The following RIDA variants were observed in gnomAD, a reference collection of about 807,000 sequenced individuals.
The protein encoded by RIDA is 2-iminobutanoate/2-iminopropanoate deaminase.
RIDA carries 17 observed loss-of-function variants against 17.8 expected under a neutral mutation model. That is an observed-to-expected ratio of 0.96 (90% CI 0.65 to 1.43). RIDA has a LOEUF of 1.43. Among genes scored for constraint, RIDA ranks in the 40% most tolerant of loss-of-function variants. RIDA has a pLI of 0.00. For missense variants in RIDA, 158 were observed against 161.7 expected, an observed-to-expected ratio of 0.98 and a Z score of 0.12; for synonymous variants, 48 against 55.7, an observed-to-expected ratio of 0.86 and a Z score of 0.62.
intron 2 of RIDA, among the ~76,000 whole-genome samples, chr8:98,107,930 T>C (rs1815656165): frequency 6.6e-6 from 1 of 152,130 alleles, no homozygotes; most frequent in Non-Finnish European, 1.5e-5. Context: ...CCACCACACC[T>C]GGCTAATTTT....
At chr8:98,113,717 AAGGGGTAT>A (rs1197824494) in intron 1 of RIDA, 1 of 152,174 alleles carries the variant, frequency 6.6e-6, no homozygotes, top group East Asian at 1.9e-4. Flanking sequence ...TAGGTCAAGG[AAGGGGTAT>A]GCTCTTTAGC....
In RIDA at chr8:98,110,441, G is replaced by C. The variant is rs576507928; in HGVS notation, c.66-1690C>G. Reference sequence around the variant, plus strand: ...CGCCCAGCTAATTTTTGCATTTTTAGTAGAGATGGGGTTTTGCCATGTTGG... The same window carrying C: ...CGCCCAGCTAATTTTTGCATTTTTACTAGAGATGGGGTTTTGCCATGTTGG... On this transcript the variant is annotated intron_variant, in intron 1 of 5. Transcript: ENST00000254878. Among the ~76,000 whole-genome samples the C allele has an allele frequency of 1.6e-4, 24 of 152,178 alleles. 1 individual carries two copies. Among genetic ancestry groups the C allele is most frequent in the Non-Finnish European group, 3.2e-4 (22 of 68,008 alleles).
In RIDA at chr8:98,108,722, T is replaced by C. The variant is rs112252402; in HGVS notation, c.95A>G (p.Tyr32Cys). 3 of 1,613,224 alleles carry C rather than the reference T, an allele frequency of 1.9e-6. No individual in the cohort carries two copies. The change falls in exon 2 of 6, where the codon TAC becomes TGC. Residue 32 changes from tyrosine (Y) to cysteine (C), a missense_variant. By Grantham distance (194) the Tyr-to-Cys change is radical. Transcript: ENST00000254878. ...GTCCATGCCTATCTGTCCTGAAATG[T>C]AAATGGTCCTGTCGACTAATACAGC... ...SQAVLVDRTI[Y>C]ISGQIGMDPS...
intron 1 of RIDA, among the ~76,000 whole-genome samples, chr8:98,112,937 A>G (rs1284691423): frequency 6.6e-6 from 1 of 152,234 alleles, no homozygotes; most frequent in Non-Finnish European, 1.5e-5. Context: ...TATCTCTTAC[A>G]GATCTAAAGA....
At chr8:98,110,076 A>C (rs1815702499) in intron 1 of RIDA, among the ~76,000 whole-genome samples, 1 of 152,244 alleles carries the variant, frequency 6.6e-6, no homozygotes, top group Admixed American at 6.5e-5. Flanking sequence ...ATTTCACTTA[A>C]ATGAAACCTT....
At chr8:98,108,830 C>G in intron 1 of RIDA, 79 bp from the exon 2 acceptor site, 2 of 791,554 alleles carry the variant, frequency 2.5e-6, no homozygotes, top group Middle Eastern at 4.7e-4. Context: ...TTTGATAGGA[C>G]AGAGAAGTAT....
At chr8:98,116,562 G>A (rs1239364978) in intron 1 of RIDA, among the ~76,000 whole-genome samples, 2 of 152,166 alleles carry the variant, frequency 1.3e-5, no homozygotes, top group African/African-American at 4.8e-5. Context: ...AATGGGGAGT[G>A]AATGCTAATG....
In RIDA at chr8:98,105,935, T is replaced by C; in HGVS notation, c.295+3A>G. 6.3e-7 allele frequency: 1 copy of C among 1,587,512 alleles called. No homozygotes were observed. The highest frequency in any genetic ancestry group is 8.6e-7 in the Non-Finnish European group (1 of 1,156,544). On this transcript the variant is annotated splice_donor_region_variant and intron_variant, in intron 4 of 5. Coordinates refer to ENST00000254878, the MANE Select transcript of RIDA (RefSeq NM_005836.3). Reference sequence around the variant, plus strand: ...AAAATAGGAATAAAGCCAAATTACTTACACTGTTTGTAGATTTCATTGACA... The same window carrying C: ...AAAATAGGAATAAAGCCAAATTACTCACACTGTTTGTAGATTTCATTGACA...
chr8:98,108,811 G>GA (rs1313110819), intron 1 of RIDA, 60 bp from the exon 2 acceptor site: 1 of 1,040,732 alleles, frequency 9.6e-7, no homozygotes, highest in Non-Finnish European at 1.5e-6. Flanking sequence ...TTCAATGCTA[G>GA]AAGACTTTTT....
intron 2 of RIDA, among the ~76,000 whole-genome samples, chr8:98,106,989 C>G (rs1158535145): frequency 1.3e-5 from 2 of 152,214 alleles, no homozygotes; most frequent in African/African-American, 2.4e-5. Flanking sequence ...AAGTTTCCCT[C>G]CTCAGAGGTA....
intron 1 of RIDA, among the ~76,000 whole-genome samples, chr8:98,116,179 A>G (rs1815819399): frequency 6.6e-6 from 1 of 152,198 alleles, no homozygotes; most frequent in Non-Finnish European, 1.5e-5. Context: ...CCAAAGGACT[A>G]CCTCTCACAA....
chr8:98,113,370 C>T lies in RIDA; in HGVS notation c.65+3662G>A, dbSNP rs376005708. Among the ~76,000 whole-genome samples the T allele has an allele frequency of 6.0e-4, 92 of 152,314 alleles. 1 individual carries two copies. The South Asian group carries it at 0.017, about 28-fold the overall frequency. On this transcript the variant is annotated intron_variant, in intron 1 of 5. Coordinates refer to ENST00000254878, the MANE Select transcript of RIDA (RefSeq NM_005836.3). ...AAAAGTGTACTCACTACACACTCCACGCACAAAAACTCTTGTTCCCAAAAG... is the reference window on the plus strand; with the variant it reads ...AAAAGTGTACTCACTACACACTCCATGCACAAAAACTCTTGTTCCCAAAAG...
chr8:98,116,678 G>T (rs896150506), intron 1 of RIDA, among the ~76,000 whole-genome samples: 6 of 152,172 alleles, frequency 3.9e-5, no homozygotes, highest in Non-Finnish European at 4.4e-5. Context: ...CATGTTAAAG[G>T]GGGTGAATCT....
Position 98,102,557 on chromosome 8 carries a change from C to T in RIDA, c.*285G>A. ...CAGGAATAGTAACTCTTCTTTCCTA[C>T]CTGGTATTTCTCTTTTGTTTACTGA... On this transcript the variant is annotated 3_prime_UTR_variant, in exon 6 of 6. Coordinates refer to ENST00000254878, the MANE Select transcript of RIDA (RefSeq NM_005836.3). 4.1e-6 allele frequency: 1 copy of T among 244,644 alleles called. No homozygotes were observed. The highest frequency in any genetic ancestry group is 7.8e-6 in the Non-Finnish European group (1 of 128,676). 15.2% of individuals were successfully genotyped at this position (244,644 alleles called of 1,614,324 possible). A position where few individuals can be genotyped will look rare whatever the true frequency, so the allele number is the denominator to read the frequency against.
chr8:98,107,059 T>G (rs1563763500), intron 2 of RIDA, among the ~76,000 whole-genome samples: 3 of 152,212 alleles, frequency 2.0e-5, no homozygotes, highest in African/African-American at 7.2e-5. Context: ...ATGTTACATA[T>G]TTTTAAACAC....
intron 2 of RIDA, among the ~76,000 whole-genome samples, chr8:98,107,764 C>CT (rs61224534): frequency 0.92 from 136,254 of 148,156 alleles, 62,855 homozygotes; most frequent in South Asian, 0.96. Context: ...GACTGGGTTA[C>CT]TTTTTTTTTC....
chr8:98,117,012 G>A lies in RIDA; in HGVS notation c.65+20C>T, dbSNP rs376240367. ...ACCCGCACGCCCTGGGTCCGACACA[G>A]CTTCCACCAGCCACGTTACCTGTAG... is the stretch of plus-strand genomic sequence containing the variant. On this transcript the variant is annotated intron_variant, in intron 1 of 5. Transcript: ENST00000254878. 3.2e-5 allele frequency: 52 copies of A among 1,608,528 alleles called. No individual in the cohort carries two copies. The highest frequency in any genetic ancestry group is 4.2e-5 in the Non-Finnish European group (49 of 1,175,398).
At chr8:98,107,591 A>ACTGTT (rs1277094093) in intron 2 of RIDA, among the ~76,000 whole-genome samples, 18 of 152,102 alleles carry the variant, frequency 1.2e-4, no homozygotes, top group Non-Finnish European at 1.8e-4. Context: ...ATTATAGTTT[A>ACTGTT]TTGTTTTATT....
At chr8:98,107,642 GGCAGGAGT>G (rs1396264216) in intron 2 of RIDA, among the ~76,000 whole-genome samples, 1 of 152,146 alleles carries the variant, frequency 6.6e-6, no homozygotes, top group African/African-American at 2.4e-5. Context: ...CTGTGTCCCA[GGCAGGAGT>G]GCAGTGGCAC....
Sources: allele counts gnomAD v4.1 joint callset (sites outside exome capture counted in the v4.1 genomes callset), GRCh38; gene constraint gnomAD v4.1.1; transcripts MANE v1.5; gene names NCBI Gene and HGNC (gene_info 2026-07-23, HGNC 2026-07-21).